Variants in WDPCP observed in about 807,000 individuals in gnomAD.
WDPCP encodes WD repeat containing planar cell polarity effector, also known as WD repeat-containing and planar cell polarity effector protein fritz homolog.
In WDPCP, 71 loss-of-function variants were observed where a neutral mutation model predicts 93.1. The observed-to-expected ratio is 0.76, with a 90% confidence interval of 0.63 to 0.93. The LOEUF is 0.93. Among genes scored for constraint, WDPCP ranks in the 40% least tolerant of loss-of-function variants. WDPCP has a pLI of 0.00. For synonymous variants in WDPCP, 315 were observed against 315.0 expected, an observed-to-expected ratio of 1.00 and a Z score of 0.00; for missense variants, 844 against 887.4, an observed-to-expected ratio of 0.95 and a Z score of 0.62.
chr2:63,292,132 C>CAAAAAAAAAAAAAAAAA (rs58370764), intron 13 of WDPCP, among the ~76,000 whole-genome samples: 1 of 83,384 alleles, frequency 1.2e-5, no homozygotes. Context: ...GACTCCGGCT[C>CAAAAAAAAAAAAAAAAA]AAAAAAAAAA....
chr2:63,142,919 CAT>C (rs146318099), intron 17 of WDPCP, among the ~76,000 whole-genome samples: 41,708 of 145,800 alleles, frequency 0.29, 6,144 homozygotes, highest in East Asian at 0.51. Context: ...TATACACATA[CAT>C]ATACACACAC....
intron 1 of WDPCP, among the ~76,000 whole-genome samples, chr2:63,545,315 GTGTGTGTA>G (rs981792162): frequency 2.6e-5 from 4 of 151,354 alleles, no homozygotes; most frequent in African/African-American, 7.3e-5. Flanking sequence ...GCACGTGTAT[GTGTGTGTA>G]TGTGTGTGTG....
chr2:63,710,235 G>A (rs1669241818), intron 2 of WDPCP, among the ~76,000 whole-genome samples: 2 of 152,156 alleles, frequency 1.3e-5, no homozygotes, highest in South Asian at 4.1e-4. Flanking sequence ...GGAAAATGGA[G>A]GAAAGTAAGA....
At chr2:63,473,443 T>C (rs1699799934) in intron 6 of WDPCP, among the ~76,000 whole-genome samples, 1 of 152,172 alleles carries the variant, frequency 6.6e-6, no homozygotes, top group Non-Finnish European at 1.5e-5. Context: ...CATCTCATTT[T>C]CTCTTTATAC....
At chr2:63,437,647 A>T in intron 7 of WDPCP, 93 bp from the exon 8 acceptor site, 3 of 1,210,892 alleles carry the variant, frequency 2.5e-6, no homozygotes, top group Non-Finnish European at 3.5e-6. Flanking sequence ...TCAAACATAC[A>T]TATTAACTGA....
At chr2:63,216,269 G>T (rs1156786928) in intron 14 of WDPCP, among the ~76,000 whole-genome samples, 2 of 152,142 alleles carry the variant, frequency 1.3e-5, no homozygotes, top group African/African-American at 4.8e-5. Context: ...TATGTTTATT[G>T]CAACACTATT....
intron 9 of WDPCP, among the ~76,000 whole-genome samples, chr2:63,427,125 C>A (rs773754015): frequency 6.6e-6 from 1 of 152,114 alleles, no homozygotes; most frequent in Non-Finnish European, 1.5e-5. Flanking sequence ...AAGACTTAGC[C>A]GCACAATAAT....
intron 9 of WDPCP, among the ~76,000 whole-genome samples, chr2:63,429,296 T>A (rs1696546060): frequency 6.6e-6 from 1 of 152,180 alleles, no homozygotes. Context: ...AAAGAATTTA[T>A]GGTAAAGTCC....
rs747270776 is a variant in WDPCP at position 63,382,144 on chromosome 2, T to A, written c.1436-50A>T. The A allele has an allele frequency of 7.1e-6, 11 of 1,544,728 alleles. No individual in the cohort carries two copies. In the African/African-American group the frequency reaches 1.5e-4, roughly 21 times the overall value. ...GTGAATCTTTTAAAATAAAATAGAA[T>A]AACAAAAAGAGTTAATTTTTCCATA... On this transcript the variant is annotated intron_variant, in intron 10 of 17. Coordinates refer to ENST00000272321, the MANE Select transcript of WDPCP (RefSeq NM_015910.7).
At chr2:63,747,829 G>T (rs545312843) in intron 2 of WDPCP, among the ~76,000 whole-genome samples, 2 of 152,168 alleles carry the variant, frequency 1.3e-5, no homozygotes, top group African/African-American at 4.8e-5. Context: ...TCAGAGATTT[G>T]ATTGAGATTG....
At chr2:63,233,629 T>C (rs190253370) in intron 14 of WDPCP, 1 of 154,202 alleles carries the variant, frequency 6.5e-6, no homozygotes, top group African/African-American at 2.4e-5. Flanking sequence ...TTTTTTGGTA[T>C]CTTCCTCTGA....
At chr2:63,776,758 C>T (rs1017443155) in intron 2 of WDPCP, among the ~76,000 whole-genome samples, 3 of 151,622 alleles carry the variant, frequency 2.0e-5, no homozygotes, top group African/African-American at 7.3e-5. Flanking sequence ...AACCACAGTG[C>T]CATGGAGTAC....
At chr2:63,548,351 C>T (rs1414486211) in intron 1 of WDPCP, among the ~76,000 whole-genome samples, 4 of 151,768 alleles carry the variant, frequency 2.6e-5, no homozygotes. Context: ...GTTCAACTCA[C>T]CATGAAAAAA....
chr2:63,662,922 A>C (rs1710242157), intron 2 of WDPCP, among the ~76,000 whole-genome samples: 1 of 152,200 alleles, frequency 6.6e-6, no homozygotes, highest in South Asian at 2.1e-4. Flanking sequence ...ATCTTCTTTC[A>C]TGAGTCTGAA....
intron 6 of WDPCP, among the ~76,000 whole-genome samples, chr2:63,461,928 G>A (rs1039895899): frequency 4.4e-4 from 67 of 152,180 alleles, no homozygotes; most frequent in Admixed American, 4.4e-3. Context: ...CAACCATTGT[G>A]GAAGACAGTG....
At chr2:63,235,761 A>G (rs1228023853) in intron 14 of WDPCP, among the ~76,000 whole-genome samples, 1 of 152,234 alleles carries the variant, frequency 6.6e-6, no homozygotes, top group Non-Finnish European at 1.5e-5. Flanking sequence ...GATCATTTCA[A>G]GAGACACAGA....
At chr2:63,384,449 T>C (rs1329530427) in intron 10 of WDPCP, among the ~76,000 whole-genome samples, 1 of 152,056 alleles carries the variant, frequency 6.6e-6, no homozygotes, top group Non-Finnish European at 1.5e-5. Flanking sequence ...CTTGAATGGC[T>C]CTATATTATT....
intron 2 of WDPCP, among the ~76,000 whole-genome samples, chr2:63,755,232 G>A (rs1187186871): frequency 6.6e-6 from 1 of 152,224 alleles, no homozygotes; most frequent in Non-Finnish European, 1.5e-5. Context: ...GTAGAGGAGG[G>A]AATTATACAG....
At chr2:63,556,127 G>A (rs1434839758) in intron 1 of WDPCP, among the ~76,000 whole-genome samples, 1 of 152,182 alleles carries the variant, frequency 6.6e-6, no homozygotes, top group Non-Finnish European at 1.5e-5. Context: ...CTGTTAACCA[G>A]AATAACCAGT....
Sources: gnomAD v4.1 joint callset for allele counts (sites outside exome capture counted in the v4.1 genomes callset) on GRCh38, gnomAD v4.1.1 for gene constraint, MANE v1.5 for transcripts, NCBI Gene and HGNC (gene_info 2026-07-23, HGNC 2026-07-21) for gene names.